The following RPP30 variants were observed in gnomAD, a reference collection of about 807,000 sequenced individuals.
RPP30 encodes the protein ribonuclease P/MRP subunit p30.
RPP30 carries 36 observed loss-of-function variants against 38.6 expected under a neutral mutation model. The observed-to-expected ratio is 0.93, with a 90% CI of 0.71 to 1.23. The LOEUF (loss-of-function observed/expected upper bound fraction) is 1.23. RPP30 is among the 50% of genes most tolerant of loss of function. The pLI is 0.00. For missense variants in RPP30, 321 were observed against 321.7 expected (o/e 1.00, Z 0.02); for synonymous variants, 126 against 112.7 (o/e 1.12, Z -0.75).
chr10:90,884,788 C>A (rs975299915), intron 5 of RPP30, among the ~76,000 whole-genome samples: 1 of 152,170 alleles, frequency 6.6e-6, no homozygotes, highest in African/African-American at 2.4e-5. Context: ...TCATTTTCTC[C>A]ACTCTTCCTT....
At chr10:90,886,294 G>C (rs906445837) in intron 6 of RPP30, among the ~76,000 whole-genome samples, 1 of 152,118 alleles carries the variant, frequency 6.6e-6, no homozygotes, top group African/African-American at 2.4e-5. Context: ...AGAGTCAAGA[G>C]GGAACAGGGC....
At chr10:90,888,014 T>C (rs1177588392) in intron 6 of RPP30, among the ~76,000 whole-genome samples, 1 of 152,234 alleles carries the variant, frequency 6.6e-6, no homozygotes, top group Non-Finnish European at 1.5e-5. Flanking sequence ...GGCAGTCTTG[T>C]TGGCCTCACA....
Position 90,874,868 on chromosome 10 carries a change from G to A in RPP30, c.83-1G>A. On this transcript the variant is annotated splice_acceptor_variant, in intron 1 of 10. Transcript: ENST00000371703. LOFTEE classifies it high-confidence loss of function. ...AAAAGTGTTCAATTTTTCTTTTTCAGTTGGCTATTCAGTTGTTGCTATCAA... is the reference window on the plus strand; with the variant it reads ...AAAAGTGTTCAATTTTTCTTTTTCAATTGGCTATTCAGTTGTTGCTATCAA... 5.0e-6 allele frequency: 8 copies of A among 1,592,690 alleles called. No individual in the cohort carries two copies. Among genetic ancestry groups the A allele is most frequent in the Non-Finnish European group, 5.1e-6 (6 of 1,167,046 alleles).
downstream of RPP30, chr10:90,905,208 G>A (rs1847241016): frequency 1.4e-5 from 2 of 147,982 alleles, no homozygotes; most frequent in South Asian, 2.1e-4. Flanking sequence ...CATGCTGTTA[G>A]CATCCATAGA....
intron 1 of RPP30, 45 bp downstream of exon 1, chr10:90,872,113 G>A: frequency 6.7e-7 from 1 of 1,502,236 alleles, no homozygotes; most frequent in Non-Finnish European, 9.3e-7. Flanking sequence ...ATGCCACCCA[G>A]ACCATCGGGC....
chr10:90,876,409 T>C (rs1420743114), intron 4 of RPP30, among the ~76,000 whole-genome samples: 1 of 152,204 alleles, frequency 6.6e-6, no homozygotes, highest in African/African-American at 2.4e-5. Flanking sequence ...TCCTTGAACT[T>C]ATAAAGCTTA....
intron 6 of RPP30, among the ~76,000 whole-genome samples, chr10:90,892,814 C>T (rs4933618): frequency 0.48 from 73,685 of 152,082 alleles, 21,430 homozygotes; most frequent in African/African-American, 0.83. Flanking sequence ...GCCAGGTGCA[C>T]CGAGGTTCCT....
chr10:90,902,973 T>C (rs1254574096), downstream of RPP30, among the ~76,000 whole-genome samples: 1 of 152,222 alleles, frequency 6.6e-6, no homozygotes, highest in East Asian at 1.9e-4. Flanking sequence ...GCATTGTATG[T>C]AAATTATTTT....
At chr10:90,890,661 G>A (rs1405559571) in intron 6 of RPP30, among the ~76,000 whole-genome samples, 5 of 151,662 alleles carry the variant, frequency 3.3e-5, no homozygotes, top group African/African-American at 1.2e-4. Flanking sequence ...AATTGTGCCA[G>A]TATTAAAAAT....
downstream of RPP30, among the ~76,000 whole-genome samples, chr10:90,904,704 C>T (rs756321633): frequency 5.3e-5 from 8 of 152,040 alleles, no homozygotes; most frequent in Non-Finnish European, 1.2e-4. Context: ...CCCTGCTACT[C>T]GGGAGGCTGA....
chr10:90,887,913 G>A (rs1489709368), intron 6 of RPP30, among the ~76,000 whole-genome samples: 1 of 152,202 alleles, frequency 6.6e-6, no homozygotes. Flanking sequence ...CACAGGGTTA[G>A]GAAAGTTCTG....
chr10:90,872,119 C>T, intron 1 of RPP30, 51 bp downstream of exon 1: 1 of 1,438,592 alleles, frequency 7.0e-7, no homozygotes, highest in Non-Finnish European at 9.8e-7. Flanking sequence ...CCCAGACCAT[C>T]GGGCCACACT....
intron 5 of RPP30, among the ~76,000 whole-genome samples, chr10:90,881,482 A>T (rs1846926895): frequency 6.6e-6 from 1 of 152,200 alleles, no homozygotes; most frequent in Non-Finnish European, 1.5e-5. Flanking sequence ...CCTGTCAAAA[A>T]TACTTTGGAA....
Position 90,895,875 on chromosome 10 carries a change from T to C in RPP30, c.580-5T>C. The C allele has an allele frequency of 2.5e-6, 4 of 1,592,252 alleles. No individual in the cohort carries two copies. Among genetic ancestry groups the C allele is most frequent in the Non-Finnish European group, 3.4e-6 (4 of 1,166,550 alleles). On this transcript the variant is annotated splice_region_variant and splice_polypyrimidine_tract_variant and intron_variant, in intron 8 of 10. Coordinates refer to ENST00000371703, the MANE Select transcript of RPP30 (RefSeq NM_006413.5). Reference sequence around the variant, plus strand: ...CATATCTACTCTTTGTTCATTTTATTTCAGCCTTTAGAAATAAGAGGGCCA... The same window carrying C: ...CATATCTACTCTTTGTTCATTTTATCTCAGCCTTTAGAAATAAGAGGGCCA...
Position 90,895,907 on chromosome 10 carries a change from G to A in RPP30, c.607G>A (p.Val203Met), listed in dbSNP as rs764936639. ...TTTAGAAATAAGAGGGCCATATGAC[G>A]TGGCAAATCTGTATCCTTTTCTGAG... ...RPLEIRGPYD[V>M]ANLGLLFGLS... The change falls in exon 9 of 11, where the codon GTG becomes ATG. Residue 203 changes from valine (V) to methionine (M), a missense_variant. Val to Met is a conservative substitution (Grantham distance 21). Transcript: ENST00000371703. The A allele has an allele frequency of 1.9e-5, 31 of 1,597,336 alleles. No individual in the cohort carries two copies. The highest frequency in any genetic ancestry group is 1.7e-4 in the Middle Eastern group (1 of 6,034).
chr10:90,888,116 A>G (rs1847024534), intron 6 of RPP30, among the ~76,000 whole-genome samples: 1 of 152,220 alleles, frequency 6.6e-6, no homozygotes, highest in Admixed American at 6.5e-5. Flanking sequence ...TTTCTGTGGA[A>G]GTAGCACCCC....
At chr10:90,890,634 TC>T (rs1421953441) in intron 6 of RPP30, among the ~76,000 whole-genome samples, 1 of 152,060 alleles carries the variant, frequency 6.6e-6, no homozygotes, top group Non-Finnish European at 1.5e-5. Flanking sequence ...AAGTACTGTG[TC>T]CATTCAGTGC....
Position 90,893,860 on chromosome 10 carries a change from G to A in RPP30, c.433-915G>A, listed in dbSNP as rs568081490. The stretch of plus-strand genomic sequence containing the variant: ...GGAGAAACCATCTCAGCTTTTGCAC[G>A]TAGTGGGCTTAAAACATCTTTTGTG... On this transcript the variant is annotated intron_variant, in intron 6 of 10. Coordinates refer to ENST00000371703, the MANE Select transcript of RPP30 (RefSeq NM_006413.5). Among the ~76,000 whole-genome samples the A allele has an allele frequency of 3.9e-5, 6 of 152,302 alleles. No individual in the cohort carries two copies. In the South Asian group the frequency reaches 8.3e-4, roughly 21 times the overall value.
chr10:90,902,426 A>C, downstream of RPP30: 1 of 257,160 alleles, frequency 3.9e-6, no homozygotes, highest in East Asian at 1.7e-4. Flanking sequence ...TGCCATGTCC[A>C]GGCTAGTCTC....
Sources: allele counts gnomAD v4.1 joint callset (sites outside exome capture counted in the v4.1 genomes callset), GRCh38; gene constraint gnomAD v4.1.1; transcripts MANE v1.5; gene names NCBI Gene and HGNC (gene_info 2026-07-23, HGNC 2026-07-21).